Variants in MPP7 observed in about 807,000 individuals in gnomAD.
The protein encoded by MPP7 is MAGUK p55 subfamily member 7.
MPP7 carries 60 observed loss-of-function variants against 76.5 expected under a neutral mutation model. The ratio of observed to expected loss-of-function variants is 0.78; its 90% CI spans 0.64 to 0.97. MPP7 has a LOEUF of 0.97. MPP7 is among the 50% of genes least tolerant of loss of function. MPP7 has a pLI of 0.00. For synonymous variants in MPP7, 237 were observed against 244.5 expected, an observed-to-expected ratio of 0.97 and a Z score of 0.29; for missense variants, 641 against 694.0, an observed-to-expected ratio of 0.92 and a Z score of 0.86.
intron 15 of MPP7, among the ~76,000 whole-genome samples, chr10:28,057,488 A>C (rs1851601364): frequency 6.7e-6 from 1 of 149,844 alleles, no homozygotes. Flanking sequence ...GAAGTGCTCA[A>C]CCCTCCTCCT....
intron 2 of MPP7, among the ~76,000 whole-genome samples, chr10:28,309,353 G>T (rs535552237): frequency 2.7e-4 from 41 of 150,968 alleles, no homozygotes; most frequent in Non-Finnish European, 4.3e-4. Flanking sequence ...TGTGGAGGTT[G>T]CAGTGAGCCA....
At chr10:28,096,409 AT>A (rs961227241) in intron 11 of MPP7, among the ~76,000 whole-genome samples, 20 of 151,940 alleles carry the variant, frequency 1.3e-4, no homozygotes, top group African/African-American at 4.8e-4. Context: ...AGTTGAGGGT[AT>A]TTTTTTCATG....
At chr10:28,203,046 T>C (rs933627882) in intron 2 of MPP7, 3 of 152,218 alleles carry the variant, frequency 2.0e-5, no homozygotes, top group East Asian at 1.9e-4. Context: ...CCAAGAAATG[T>C]TGCAACAGTG....
intron 1 of MPP7, among the ~76,000 whole-genome samples, chr10:28,261,946 T>G (rs1839963718): frequency 6.6e-6 from 1 of 150,866 alleles, no homozygotes; most frequent in South Asian, 2.1e-4. Context: ...GGTCAAGAGT[T>G]CAAGACCAGC....
At chr10:28,275,554 G>T (rs750199772) in intron 1 of MPP7, among the ~76,000 whole-genome samples, 1 of 151,434 alleles carries the variant, frequency 6.6e-6, no homozygotes, top group South Asian at 2.1e-4. Context: ...TTACAGGCAC[G>T]CACCACCACG....
At chr10:28,193,405 G>A (rs1241619699) in intron 3 of MPP7, among the ~76,000 whole-genome samples, 1 of 151,954 alleles carries the variant, frequency 6.6e-6, no homozygotes, top group African/African-American at 2.4e-5. Context: ...GTGGAGACGG[G>A]GTTTCACCAT....
At chr10:28,279,831 A>T (rs1223931412) in intron 1 of MPP7, among the ~76,000 whole-genome samples, 2 of 152,036 alleles carry the variant, frequency 1.3e-5, no homozygotes, top group Non-Finnish European at 2.9e-5. Context: ...TCTTCCACTC[A>T]ATTTCTTAGT....
chr10:28,204,807 T>C (rs1467207933), intron 2 of MPP7, among the ~76,000 whole-genome samples: 1 of 152,192 alleles, frequency 6.6e-6, no homozygotes, highest in Non-Finnish European at 1.5e-5. Flanking sequence ...AGAATGAAAA[T>C]GTCATTTCAA....
intron 11 of MPP7, chr10:28,118,002 G>T: frequency 1.5e-6 from 1 of 679,004 alleles, no homozygotes; most frequent in Non-Finnish European, 1.8e-6. Context: ...GGCAGAAAAA[G>T]CAAAAACAAA....
upstream of MPP7, among the ~76,000 whole-genome samples, chr10:28,334,964 C>A (rs982183672): frequency 1.3e-5 from 2 of 152,152 alleles, no homozygotes; most frequent in African/African-American, 2.4e-5. Flanking sequence ...AATGAGGAGG[C>A]AAATTAGCTG....
chr10:28,113,323 C>A (rs776104684), intron 11 of MPP7, among the ~76,000 whole-genome samples: 18 of 152,124 alleles, frequency 1.2e-4, no homozygotes, highest in Non-Finnish European at 1.9e-4. Flanking sequence ...GTTGGCCCTG[C>A]GAGGTATACT....
chr10:28,299,281 A>T (rs1183409902), intron 1 of MPP7, among the ~76,000 whole-genome samples: 4 of 152,174 alleles, frequency 2.6e-5, no homozygotes, highest in South Asian at 4.1e-4. Flanking sequence ...ATTCACTTGA[A>T]TACTTAGATG....
intron 2 of MPP7, among the ~76,000 whole-genome samples, chr10:28,232,358 AAC>A (rs3064135): frequency 0.46 from 67,620 of 147,240 alleles, 15,540 homozygotes; most frequent in Non-Finnish European, 0.51. Flanking sequence ...TGTCTCTTAA[AAC>A]ACACACACAC....
intron 16 of MPP7, among the ~76,000 whole-genome samples, chr10:28,054,567 G>A (rs1851480504): frequency 6.6e-6 from 1 of 152,148 alleles, no homozygotes; most frequent in Non-Finnish European, 1.5e-5. Context: ...GAAAAGAATT[G>A]TTTACTCTGA....
At chr10:28,184,373 T>A (rs1837158745) in intron 3 of MPP7, among the ~76,000 whole-genome samples, 1 of 148,276 alleles carries the variant, frequency 6.7e-6, no homozygotes, top group Admixed American at 6.8e-5. Flanking sequence ...TTATGATATA[T>A]ATCACAAGAT....
At chr10:28,211,585 C>T (rs1838140947) in intron 2 of MPP7, among the ~76,000 whole-genome samples, 1 of 151,898 alleles carries the variant, frequency 6.6e-6, no homozygotes, top group Non-Finnish European at 1.5e-5. Context: ...AGATAGACAA[C>T]CTGACCTATC....
At chr10:28,158,672 G>C (rs1433530653) in intron 3 of MPP7, among the ~76,000 whole-genome samples, 1 of 152,178 alleles carries the variant, frequency 6.6e-6, no homozygotes, top group African/African-American at 2.4e-5. Flanking sequence ...TACAAATGAT[G>C]CATGAGTTAC....
At chr10:28,129,703 A>C (rs1428592162) in intron 6 of MPP7, among the ~76,000 whole-genome samples, 4 of 152,180 alleles carry the variant, frequency 2.6e-5, no homozygotes, top group Non-Finnish European at 5.9e-5. Flanking sequence ...AGTGTTTTTG[A>C]AGTGTGATCT....
intron 1 of MPP7, among the ~76,000 whole-genome samples, chr10:28,291,506 G>A (rs1840919280): frequency 6.6e-6 from 1 of 152,184 alleles, no homozygotes; most frequent in African/African-American, 2.4e-5. Context: ...CTGGGAGTCT[G>A]AGGCACGAGA....
Sources: gnomAD v4.1 joint callset for allele counts (sites outside exome capture counted in the v4.1 genomes callset) on GRCh38, gnomAD v4.1.1 for gene constraint, MANE v1.5 for transcripts, NCBI Gene and HGNC (gene_info 2026-07-23, HGNC 2026-07-21) for gene names.